The following ENOX1 variants were observed in gnomAD, a reference collection of about 807,000 sequenced individuals.
The protein encoded by ENOX1 is candidate growth-related and time keeping constitutive hydroquinone (NADH) oxidase.
Under a neutral mutation model 82.5 loss-of-function variants are expected in ENOX1, and 42 were observed. The observed-to-expected ratio is 0.51, with a 90% CI of 0.40 to 0.66. The LOEUF (loss-of-function observed/expected upper bound fraction) is 0.66. ENOX1 is among the 30% of genes least tolerant of loss of function. ENOX1 has a pLI of 0.00. For missense variants in ENOX1, 608 were observed against 811.6 expected (o/e 0.75, Z 3.05); for synonymous variants, 271 against 282.2 (o/e 0.96, Z 0.40).
At chr13:43,577,198 G>A (rs1198816764) in intron 2 of ENOX1, among the ~76,000 whole-genome samples, 5 of 151,712 alleles carry the variant, frequency 3.3e-5, no homozygotes, top group Non-Finnish European at 7.4e-5. Context: ...ATGGTGCGAT[G>A]TCGGCTCACT....
chr13:43,233,923 T>A (rs2042400054), intron 15 of ENOX1, among the ~76,000 whole-genome samples: 1 of 152,206 alleles, frequency 6.6e-6, no homozygotes, highest in Non-Finnish European at 1.5e-5. Context: ...AAAGAGTATT[T>A]ATGACTGCTC....
At chr13:43,444,585 C>A (rs2056524509) in intron 3 of ENOX1, among the ~76,000 whole-genome samples, 1 of 152,226 alleles carries the variant, frequency 6.6e-6, no homozygotes, top group Admixed American at 6.5e-5. Flanking sequence ...ACCCGTTTCA[C>A]AGTGCCTAAC....
chr13:43,707,695 T>G (rs1426695438), intron 1 of ENOX1, among the ~76,000 whole-genome samples: 2 of 119,208 alleles, frequency 1.7e-5, no homozygotes, highest in African/African-American at 6.6e-5. Flanking sequence ...ATCACGCCAC[T>G]GAACTCCAGC....
At chr13:43,719,730 A>G (rs2088436179) in intron 1 of ENOX1, among the ~76,000 whole-genome samples, 1 of 152,064 alleles carries the variant, frequency 6.6e-6, no homozygotes, top group Non-Finnish European at 1.5e-5. Flanking sequence ...AGACTGGCCA[A>G]AATCCTGAAA....
At chr13:43,267,101 G>A (rs888590768) in intron 13 of ENOX1, among the ~76,000 whole-genome samples, 1 of 152,148 alleles carries the variant, frequency 6.6e-6, no homozygotes, top group African/African-American at 2.4e-5. Flanking sequence ...CAGAACCGTG[G>A]AGGAAACCCC....
chr13:43,555,263 C>A (rs1023364554), intron 2 of ENOX1, among the ~76,000 whole-genome samples: 5 of 152,232 alleles, frequency 3.3e-5, no homozygotes, highest in Non-Finnish European at 5.9e-5. Flanking sequence ...ACAAAGACAA[C>A]TAGCATCAGC....
intron 2 of ENOX1, among the ~76,000 whole-genome samples, chr13:43,618,130 T>A (rs34853433): frequency 6.6e-6 from 1 of 152,076 alleles, no homozygotes; most frequent in South Asian, 2.1e-4. Flanking sequence ...TTTGTCAGAA[T>A]GTATAGACTG....
chr13:43,487,756 C>T (rs1444219752), intron 2 of ENOX1, among the ~76,000 whole-genome samples: 1 of 152,144 alleles, frequency 6.6e-6, no homozygotes, highest in African/African-American at 2.4e-5. Flanking sequence ...ACCACACACC[C>T]TTTTACTCTG....
At chr13:43,274,161 C>T (rs2044863414) in intron 12 of ENOX1, among the ~76,000 whole-genome samples, 1 of 152,184 alleles carries the variant, frequency 6.6e-6, no homozygotes, top group Non-Finnish European at 1.5e-5. Context: ...TGTTTCATTA[C>T]CTGGCAGTTC....
intron 1 of ENOX1, among the ~76,000 whole-genome samples, chr13:43,735,094 T>C (rs191140097): frequency 2.6e-5 from 4 of 152,238 alleles, no homozygotes; most frequent in Admixed American, 2.0e-4. Flanking sequence ...GAAAAACCAG[T>C]TTTGTAAGAA....
intron 12 of ENOX1, among the ~76,000 whole-genome samples, chr13:43,293,310 C>A (rs1380231083): frequency 6.6e-6 from 1 of 152,118 alleles, no homozygotes; most frequent in African/African-American, 2.4e-5. Flanking sequence ...CCACAGCCAG[C>A]ACCCCCACCA....
chr13:43,469,906 G>A (rs984030047), intron 3 of ENOX1, among the ~76,000 whole-genome samples: 1 of 151,774 alleles, frequency 6.6e-6, no homozygotes, highest in Non-Finnish European at 1.5e-5. Flanking sequence ...GTGTAGTCTG[G>A]TACACTGATA....
intron 2 of ENOX1, among the ~76,000 whole-genome samples, chr13:43,556,138 G>A (rs1023379926): frequency 6.6e-6 from 1 of 151,962 alleles, no homozygotes; most frequent in Non-Finnish European, 1.5e-5. Context: ...GTAAATAATT[G>A]TATTTTTTCT....
At chr13:43,692,053 G>A (rs903219643) in intron 1 of ENOX1, among the ~76,000 whole-genome samples, 1 of 152,120 alleles carries the variant, frequency 6.6e-6, no homozygotes, top group African/African-American at 2.4e-5. Context: ...CTCTGTGAGT[G>A]AACTCTAATA....
At chr13:43,624,926 T>C (rs969936678) in intron 2 of ENOX1, among the ~76,000 whole-genome samples, 2 of 151,998 alleles carry the variant, frequency 1.3e-5, no homozygotes, top group African/African-American at 4.8e-5. Flanking sequence ...TCAAAAAATA[T>C]TCTTGGGATT....
intron 3 of ENOX1, among the ~76,000 whole-genome samples, chr13:43,450,976 T>C (rs1010266348): frequency 6.6e-6 from 1 of 152,210 alleles, no homozygotes; most frequent in Non-Finnish European, 1.5e-5. Context: ...AACTTCACTG[T>C]CCACAGGGAT....
At chr13:43,650,609 C>T (rs549497924) in intron 2 of ENOX1, among the ~76,000 whole-genome samples, 2 of 152,038 alleles carry the variant, frequency 1.3e-5, no homozygotes, top group African/African-American at 2.4e-5. Context: ...GAGGCCAAGG[C>T]GGGTGGATCA....
At chr13:43,237,397 T>C (rs1035435531) in intron 14 of ENOX1, among the ~76,000 whole-genome samples, 1 of 152,224 alleles carries the variant, frequency 6.6e-6, no homozygotes. Flanking sequence ...ACTCATATCA[T>C]CCTAGACTTT....
intron 11 of ENOX1, among the ~76,000 whole-genome samples, chr13:43,319,782 C>T (rs1016333152): frequency 1.4e-4 from 21 of 152,198 alleles, no homozygotes; most frequent in African/African-American, 5.1e-4. Flanking sequence ...CAAAATCCCA[C>T]TGTTTAAGCA....
Sources: allele counts gnomAD v4.1 joint callset (sites outside exome capture counted in the v4.1 genomes callset), GRCh38; gene constraint gnomAD v4.1.1; transcripts MANE v1.5; gene names NCBI Gene and HGNC (gene_info 2026-07-23, HGNC 2026-07-21).